DNAH11: variants seen among roughly 807,000 people sequenced by gnomAD.
DNAH11 encodes the protein dynein axonemal heavy chain 11.
A neutral mutation model predicts 526.0 loss-of-function variants in DNAH11; 442 were observed. The observed-to-expected ratio is 0.84, with a 90% CI of 0.78 to 0.91. The LOEUF is 0.91. Ranked by LOEUF, DNAH11 falls within the 40% of genes least tolerant of loss-of-function variation. The pLI is 0.00. For missense variants in DNAH11, 6,989 were observed against 5,448.7 expected, an observed-to-expected ratio of 1.28 and a Z score of -8.90; for synonymous variants, 2,461 against 1,935.9, an observed-to-expected ratio of 1.27 and a Z score of -7.12.
intron 39 of DNAH11, among the ~76,000 whole-genome samples, chr7:21,707,079 C>G (rs150192165): frequency 6.6e-6 from 1 of 152,172 alleles, no homozygotes; most frequent in South Asian, 2.1e-4. Context: ...CCTCCCTGGT[C>G]TCTATCCACT....
At position 21,881,273 on chromosome 7, in the gene DNAH11, AATC is replaced by A. The variant is rs1783915065; in HGVS notation, c.12387+382_12387+384del. Among the ~76,000 whole-genome samples, 4 of 152,364 alleles carry A rather than the reference AATC, an allele frequency of 2.6e-5. No homozygotes were observed. In the South Asian group the frequency reaches 8.3e-4, roughly 32 times the overall value. On this transcript the variant is annotated intron_variant, in intron 75 of 81. Coordinates refer to ENST00000409508, the MANE Select transcript of DNAH11 (RefSeq NM_001277115.2). Reference sequence around the variant, plus strand: ...TGACAGTTCATAACACTGCATTAATAATCACTACAATTAGTTCTGATGATGGAA... The same window carrying A: ...TGACAGTTCATAACACTGCATTAATAACTACAATTAGTTCTGATGATGGAA...
At chr7:21,889,461 G>C (rs1461016500) in intron 76 of DNAH11, among the ~76,000 whole-genome samples, 1 of 152,172 alleles carries the variant, frequency 6.6e-6, no homozygotes, top group Non-Finnish European at 1.5e-5. Context: ...TCATTTGCAA[G>C]TACCACCAAA....
intron 55 of DNAH11, 79 bp from the exon 56 acceptor site, chr7:21,773,687 G>A (rs1218475069): frequency 2.0e-6 from 2 of 1,011,410 alleles, no homozygotes; most frequent in East Asian, 2.9e-5. Flanking sequence ...GAAAAAAAAT[G>A]ATCATTTACT....
At position 21,787,559 on chromosome 7, in the gene DNAH11, C is replaced by T; in HGVS notation, c.9900C>T (p.Val3300=). ...SFAAAGLCAW[V]INIIKFYEVY... is the part of the protein sequence containing the mutation. ...CAGCAGCTGGCCTGTGTGCCTGGGT[C>T]ATCAACATCATTAAATTCTATGAGG... is the stretch of plus-strand genomic sequence containing the variant. Residue 3300 remains valine (V), a synonymous_variant, in exon 60 of 82, where the codon GTC becomes GTT. Coordinates refer to ENST00000409508, the MANE Select transcript of DNAH11 (RefSeq NM_001277115.2). 6.2e-7 allele frequency: 1 copy of T among 1,610,842 alleles called. No homozygotes were observed. The highest frequency in any genetic ancestry group is 8.5e-7 in the Non-Finnish European group (1 of 1,178,696).
intron 65 of DNAH11, among the ~76,000 whole-genome samples, chr7:21,838,970 C>T (rs1031951138): frequency 1.3e-5 from 2 of 152,100 alleles, no homozygotes; most frequent in Non-Finnish European, 2.9e-5. Flanking sequence ...TGTATGAGGG[C>T]TCCAGTTTCT....
intron 30 of DNAH11, among the ~76,000 whole-genome samples, chr7:21,678,298 T>G (rs1359462514): frequency 6.8e-6 from 1 of 147,516 alleles, no homozygotes; most frequent in African/African-American, 2.5e-5. Flanking sequence ...GATGTCCAGT[T>G]TTTTCCAACA....
Position 21,561,190 on chromosome 7 carries a change from G to T in DNAH11, c.982+20G>T. Reference sequence around the variant, plus strand: ...AAAATGGTAAGACTCTTGTTCCTCAGCCTGGCATCAATATCACCATCTGCT... The same window carrying T: ...AAAATGGTAAGACTCTTGTTCCTCATCCTGGCATCAATATCACCATCTGCT... On this transcript the variant is annotated intron_variant, in intron 5 of 81. Transcript: ENST00000409508. The T allele has an allele frequency of 4.6e-6, 7 of 1,537,746 alleles. No individual in the cohort carries two copies. The highest frequency in any genetic ancestry group is 6.2e-6 in the Non-Finnish European group (7 of 1,127,446).
chr7:21,738,260 C>T (rs76805289), intron 46 of DNAH11, among the ~76,000 whole-genome samples: 5,877 of 152,260 alleles, frequency 0.039, 150 homozygotes, highest in Non-Finnish European at 0.059. Flanking sequence ...TGCACTCCAG[C>T]GGCCTAAGAA....
At chr7:21,709,154 T>C (rs1187565849) in intron 40 of DNAH11, among the ~76,000 whole-genome samples, 2 of 152,112 alleles carry the variant, frequency 1.3e-5, no homozygotes, top group East Asian at 3.9e-4. Context: ...CTATTCACAA[T>C]AGCAAAGACG....
At position 21,696,076 on chromosome 7, in the gene DNAH11, T is replaced by C. The variant is rs570344450; in HGVS notation, c.6042-1999T>C. ...TGATGATAAGCTAGAGGATTATCAGTTTTATTTTGGGGTTTTATTTAGGGT... is the reference window on the plus strand; with the variant it reads ...TGATGATAAGCTAGAGGATTATCAGCTTTATTTTGGGGTTTTATTTAGGGT... On this transcript the variant is annotated intron_variant, in intron 35 of 81. Transcript: ENST00000409508. 2.0e-5 allele frequency among the ~76,000 whole-genome samples: 3 copies of C among 152,294 alleles called. No homozygotes were observed. In the South Asian group the frequency reaches 6.2e-4, roughly 32 times the overall value.
chr7:21,833,027 C>T (rs1408144863), intron 65 of DNAH11, among the ~76,000 whole-genome samples: 2 of 152,184 alleles, frequency 1.3e-5, no homozygotes, highest in Non-Finnish European at 2.9e-5. Flanking sequence ...TACACATACA[C>T]CACACAAATC....
chr7:21,757,583 G>T (rs1262713152), intron 54 of DNAH11, among the ~76,000 whole-genome samples: 1 of 152,050 alleles, frequency 6.6e-6, no homozygotes. Flanking sequence ...CAATCTGCAG[G>T]ATGCTTTTCT....
chr7:21,711,163 A>G (rs1000325598), intron 41 of DNAH11, among the ~76,000 whole-genome samples: 2 of 152,212 alleles, frequency 1.3e-5, no homozygotes, highest in African/African-American at 4.8e-5. Context: ...GCAAAAACAA[A>G]AGGTGACGGT....
Position 21,599,933 on chromosome 7 carries a change from G to A in DNAH11, c.2814G>A (p.Leu938=). 1 of 1,594,644 alleles carries A rather than the reference G, an allele frequency of 6.3e-7. No individual in the cohort carries two copies. Among genetic ancestry groups the A allele is most frequent in the Non-Finnish European group, 8.6e-7 (1 of 1,167,398 alleles). The change falls in exon 15 of 82, where the codon TTG becomes TTA. Residue 938 remains leucine, a synonymous_variant. Coordinates refer to ENST00000409508, the MANE Select transcript of DNAH11 (RefSeq NM_001277115.2). ...DFFLKNTEKQ[L]KPAPFFQAQM... ...TTCTGAAGAATACAGAGAAACAATT[G>A]AAACCGGCACCGTTTTTTCAAGCAC...
chr7:21,548,722 G>C (rs545517636), intron 2 of DNAH11, among the ~76,000 whole-genome samples: 1 of 152,118 alleles, frequency 6.6e-6, no homozygotes, highest in African/African-American at 2.4e-5. Context: ...TGACTCACTC[G>C]TGATGTTTAG....
At chr7:21,900,483 C>G (rs535043383) in intron 81 of DNAH11, among the ~76,000 whole-genome samples, 1 of 104,098 alleles carries the variant, frequency 9.6e-6, no homozygotes, top group African/African-American at 2.9e-5. Context: ...TAATGTTTTA[C>G]TACAAGACTT....
At chr7:21,676,880 T>C (rs924673601) in intron 30 of DNAH11, among the ~76,000 whole-genome samples, 1 of 152,204 alleles carries the variant, frequency 6.6e-6, no homozygotes, top group African/African-American at 2.4e-5. Flanking sequence ...CACTAAAGTG[T>C]ATATTAATTT....
At chr7:21,610,217 T>G (rs1425576126) in intron 20 of DNAH11, among the ~76,000 whole-genome samples, 12 of 151,964 alleles carry the variant, frequency 7.9e-5, no homozygotes, top group African/African-American at 1.2e-4. Context: ...TTGCGCCACT[T>G]CACTCCAGCC....
intron 11 of DNAH11, 55 bp downstream of exon 11, chr7:21,588,691 T>G: frequency 6.3e-7 from 1 of 1,580,432 alleles, no homozygotes; most frequent in Non-Finnish European, 8.7e-7. Flanking sequence ...GGGTGACATT[T>G]TATATAAGAG....
Sources: gnomAD v4.1 joint callset for allele counts (sites outside exome capture counted in the v4.1 genomes callset) on GRCh38, gnomAD v4.1.1 for gene constraint, MANE v1.5 for transcripts, NCBI Gene and HGNC (gene_info 2026-07-23, HGNC 2026-07-21) for gene names.